Variants in USH2A observed in about 807,000 individuals in gnomAD.
USH2A encodes the protein usherin, also known as Usher syndrome 2A (autosomal recessive, mild).
In USH2A, 443 loss-of-function variants were observed where a neutral mutation model predicts 538.9. The ratio of observed to expected loss-of-function variants is 0.82; its 90% CI spans 0.76 to 0.89. The LOEUF (loss-of-function observed/expected upper bound fraction) is 0.89, where lower values mean the gene tolerates loss of function less well. Among genes scored for constraint, USH2A ranks in the 40% least tolerant of loss-of-function variants. The pLI, the probability that USH2A is intolerant of heterozygous loss-of-function variation, is 0.00. For missense variants in USH2A, 6,633 were observed against 6,324.8 expected (o/e 1.05, Z -1.65); for synonymous variants, 2,413 against 2,273.5 (o/e 1.06, Z -1.75).
intron 11 of USH2A, among the ~76,000 whole-genome samples, chr1:216,287,117 A>C (rs1274928716): frequency 6.6e-6 from 1 of 152,226 alleles, no homozygotes; most frequent in Non-Finnish European, 1.5e-5. Context: ...AGGTGGTTTT[A>C]TTCCAGGGAT....
In USH2A at chr1:215,782,738, C is replaced by A. The variant is rs111033439; in HGVS notation, c.10585G>T (p.Gly3529Cys). 5 of 1,613,056 alleles carry A rather than the reference C, an allele frequency of 3.1e-6. No individual in the cohort carries two copies. Among genetic ancestry groups the A allele is most frequent in the Non-Finnish European group, 4.2e-6 (5 of 1,179,584 alleles). The change falls in exon 53 of 72, where the codon GGT becomes TGT. Residue 3529 changes from glycine (G) to cysteine (C), a missense_variant and splice_region_variant. Coordinates refer to ENST00000307340, the MANE Select transcript of USH2A (RefSeq NM_206933.4). Reference sequence around the variant, plus strand: ...TTGTATTTTAAAGGTATCTCAATACCATTTGATTGTATAGGTTTTCTCCAG... The same window carrying A: ...TTGTATTTTAAAGGTATCTCAATACAATTTGATTGTATAGGTTTTCTCCAG... ...LNWRKPIQSN[G>C]PIIYYILLRN...
chr1:216,158,560 A>C (rs2033995153), intron 21 of USH2A, among the ~76,000 whole-genome samples: 1 of 152,106 alleles, frequency 6.6e-6, no homozygotes, highest in African/African-American at 2.4e-5. Flanking sequence ...TGGGGTATTT[A>C]TGTGGCAATA....
intron 21 of USH2A, among the ~76,000 whole-genome samples, chr1:216,121,174 A>T (rs1040245360): frequency 6.6e-6 from 1 of 152,170 alleles, no homozygotes; most frequent in Non-Finnish European, 1.5e-5. Flanking sequence ...TGTGTAATGT[A>T]TTGGTCAAAG....
intron 21 of USH2A, among the ~76,000 whole-genome samples, chr1:216,115,728 T>A (rs1260076895): frequency 6.6e-6 from 1 of 151,896 alleles, no homozygotes; most frequent in Admixed American, 6.6e-5. Context: ...ATACATTTCA[T>A]CTATTACATA....
chr1:216,215,989 G>A (rs957518779), intron 15 of USH2A, among the ~76,000 whole-genome samples: 1 of 152,036 alleles, frequency 6.6e-6, no homozygotes, highest in Non-Finnish European at 1.5e-5. Flanking sequence ...AGTAGAGCAG[G>A]TGCCAATATT....
chr1:216,319,060 A>G (rs1011081321), intron 9 of USH2A, among the ~76,000 whole-genome samples: 3 of 152,350 alleles, frequency 2.0e-5, no homozygotes, highest in African/African-American at 4.8e-5. Context: ...AGAACATATC[A>G]TATGAAGGTA....
chr1:215,631,553 C>T (rs575861682), intron 70 of USH2A, among the ~76,000 whole-genome samples: 9 of 152,322 alleles, frequency 5.9e-5, no homozygotes, highest in Middle Eastern at 3.4e-3. Context: ...CTTGCAAATA[C>T]ACTGTCAACT....
intron 43 of USH2A, among the ~76,000 whole-genome samples, chr1:215,877,343 C>T (rs1664797339): frequency 6.6e-6 from 1 of 152,192 alleles, no homozygotes; most frequent in Admixed American, 6.5e-5. Context: ...CGGACTGAAT[C>T]AATAACTTAC....
chr1:215,758,453 G>A, intron 58 of USH2A, 142 bp downstream of exon 58: 1 of 971,334 alleles, frequency 1.0e-6, no homozygotes, highest in Non-Finnish European at 1.5e-6. Flanking sequence ...TTAGAAGTGT[G>A]GTTTAGATTT....
rs768224440 is a variant in USH2A, at chr1:215,674,127, A to G, written c.13784T>C (p.Ile4595Thr). Residue 4595 changes from isoleucine to threonine, a missense_variant, in exon 63 of 72, where the codon ATA (isoleucine) becomes ACA (threonine). Physicochemically the swap from Ile to Thr is moderately conservative, Grantham distance 89. Transcript: ENST00000307340. ...THNSFGMQSY[I>T]VNQLKPFHRY... ...GTGAAATGGCTTCAGCTGGTTTACTATATATGACTGCATACCAAAAGAATT... is the reference window on the plus strand; with the variant it reads ...GTGAAATGGCTTCAGCTGGTTTACTGTATATGACTGCATACCAAAAGAATT... 7 of 1,614,142 alleles carry G rather than the reference A, an allele frequency of 4.3e-6. No individual in the cohort carries two copies. Among genetic ancestry groups the G allele is most frequent in the Non-Finnish European group, 5.1e-6 (6 of 1,180,000 alleles).
chr1:215,639,867 T>G (rs372080762), intron 68 of USH2A, among the ~76,000 whole-genome samples: 116 of 152,360 alleles, frequency 7.6e-4, no homozygotes, highest in Middle Eastern at 6.8e-3. Context: ...CATGCAATGC[T>G]GGAGCTCACT....
chr1:216,359,236 C>T (rs1354244888), intron 4 of USH2A, among the ~76,000 whole-genome samples: 3 of 152,080 alleles, frequency 2.0e-5, no homozygotes, highest in African/African-American at 4.8e-5. Context: ...ATTGGTACAA[C>T]AATCATATGG....
chr1:216,059,181 CATACATATAT>C (rs1412105417), intron 30 of USH2A, among the ~76,000 whole-genome samples: 2 of 152,104 alleles, frequency 1.3e-5, no homozygotes, highest in Non-Finnish European at 2.9e-5. Flanking sequence ...TACACATATA[CATACATATAT>C]AGAGTAGCAT....
At chr1:216,232,389 T>C (rs532617880) in intron 13 of USH2A, among the ~76,000 whole-genome samples, 1 of 152,302 alleles carries the variant, frequency 6.6e-6, no homozygotes, top group East Asian at 1.9e-4. Flanking sequence ...AATATTTCAA[T>C]ATTTCTACAA....
intron 15 of USH2A, among the ~76,000 whole-genome samples, chr1:216,213,252 TTTGGATTTTCCACA>T (rs1373897636): frequency 6.6e-6 from 1 of 152,146 alleles, no homozygotes; most frequent in Non-Finnish European, 1.5e-5. Context: ...TGTGAATTTG[TTTGGATTTTCCACA>T]TATAGAATCA....
intron 67 of USH2A, 116 bp from the exon 68 acceptor site, chr1:215,640,850 A>G: frequency 1.9e-6 from 2 of 1,076,098 alleles, no homozygotes; most frequent in Admixed American, 2.7e-5. Context: ...CAAACAAAAA[A>G]AAAAAAAAAA....
At chr1:216,075,034 T>C (rs1449477248) in intron 27 of USH2A, among the ~76,000 whole-genome samples, 1 of 152,160 alleles carries the variant, frequency 6.6e-6, no homozygotes, top group Non-Finnish European at 1.5e-5. Context: ...TACCATAATG[T>C]TTAAAAAATT....
At chr1:216,308,514 T>G (rs2037360094) in intron 9 of USH2A, among the ~76,000 whole-genome samples, 1 of 152,242 alleles carries the variant, frequency 6.6e-6, no homozygotes, top group African/African-American at 2.4e-5. Flanking sequence ...ACTTGTTCAC[T>G]TCTTTTGTCT....
intron 37 of USH2A, among the ~76,000 whole-genome samples, chr1:215,957,516 C>A (rs1667099423): frequency 6.6e-6 from 1 of 152,138 alleles, no homozygotes; most frequent in Non-Finnish European, 1.5e-5. Context: ...TTTCAATTTT[C>A]ACAGATTGGG....
Sources: allele counts gnomAD v4.1 joint callset (sites outside exome capture counted in the v4.1 genomes callset), GRCh38; gene constraint gnomAD v4.1.1; transcripts MANE v1.5; gene names NCBI Gene and HGNC (gene_info 2026-07-23, HGNC 2026-07-21).